STAU2: variants seen among roughly 807,000 people sequenced by gnomAD.
The protein encoded by STAU2 is staufen double-stranded RNA binding protein 2, also known as double-stranded RNA-binding protein Staufen homolog 2.
A neutral mutation model predicts 65.9 loss-of-function variants in STAU2; 20 were observed. The ratio of observed to expected loss-of-function variants is 0.30; its 90% CI spans 0.21 to 0.44. The LOEUF (loss-of-function observed/expected upper bound fraction) is 0.44, where lower values mean the gene tolerates loss of function less well. Among genes scored for constraint, STAU2 ranks in the 20% least tolerant of loss-of-function variants. The pLI is 1.00. For missense variants in STAU2, 558 were observed against 683.9 expected, an observed-to-expected ratio of 0.82 and a Z score of 2.05; for synonymous variants, 232 against 233.9, an observed-to-expected ratio of 0.99 and a Z score of 0.07.
At chr8:73,610,670 T>C (rs923176977) in intron 9 of STAU2, among the ~76,000 whole-genome samples, 11 of 152,126 alleles carry the variant, frequency 7.2e-5, no homozygotes, top group African/African-American at 2.4e-4. Flanking sequence ...TCATTCTATA[T>C]ACCAATAAGG....
chr8:73,557,317 C>G (rs528808625), intron 12 of STAU2, among the ~76,000 whole-genome samples: 1 of 152,100 alleles, frequency 6.6e-6, no homozygotes, highest in Non-Finnish European at 1.5e-5. Flanking sequence ...ATAGAAATAG[C>G]ATAAAAACAT....
In STAU2 at chr8:73,543,749, G is replaced by A. The variant is rs576785256; in HGVS notation, c.1530+8263C>T. Among the ~76,000 whole-genome samples, 11 of 152,240 alleles carry A rather than the reference G, an allele frequency of 7.2e-5. No homozygotes were observed. In the South Asian group the frequency reaches 2.3e-3, roughly 32 times the overall value. ...CATGGCAGGTGCTCAATACACACTG[G>A]TTGAATTCATGAATAAATGAATCCC... is the stretch of plus-strand genomic sequence containing the variant. On this transcript the variant is annotated intron_variant, in intron 13 of 14. Coordinates refer to ENST00000524300, the MANE Select transcript of STAU2 (RefSeq NM_001164380.2).
At chr8:73,668,967 C>G in intron 6 of STAU2, 1 of 673,370 alleles carries the variant, frequency 1.5e-6, no homozygotes, top group South Asian at 1.6e-5. Flanking sequence ...TTCAAAAATC[C>G]CTCTAAATGA....
chr8:73,458,294 TG>T (rs911223116), intron 13 of STAU2, among the ~76,000 whole-genome samples: 3 of 152,248 alleles, frequency 2.0e-5, no homozygotes, highest in Non-Finnish European at 2.9e-5. Context: ...TTGAATCTCA[TG>T]GTTTCCACTT....
At chr8:73,511,942 G>C (rs1334063904) in intron 13 of STAU2, among the ~76,000 whole-genome samples, 1 of 152,132 alleles carries the variant, frequency 6.6e-6, no homozygotes, top group Non-Finnish European at 1.5e-5. Context: ...TATGGTATGA[G>C]GTAAGGCTCC....
chr8:73,587,370 G>A (rs1810452466), intron 11 of STAU2, among the ~76,000 whole-genome samples: 4 of 152,152 alleles, frequency 2.6e-5, no homozygotes, highest in Admixed American at 2.0e-4. Context: ...CCAAGAACAA[G>A]GGAAACTGTC....
chr8:73,623,318 C>T (rs576097491), intron 6 of STAU2, among the ~76,000 whole-genome samples: 1 of 152,288 alleles, frequency 6.6e-6, no homozygotes, highest in South Asian at 2.1e-4. Context: ...TCTCCAACAT[C>T]TCCACTTTCC....
At chr8:73,607,176 G>T (rs747570216) in intron 9 of STAU2, among the ~76,000 whole-genome samples, 16 of 152,136 alleles carry the variant, frequency 1.1e-4, no homozygotes, top group Admixed American at 2.0e-4. Context: ...TTGTTTAAAG[G>T]AACTAAACAA....
chr8:73,747,217 G>C, upstream of STAU2: 1 of 731,756 alleles, frequency 1.4e-6, no homozygotes, highest in East Asian at 3.3e-5. Context: ...CAAGGAGCGC[G>C]CCCGGTCCGC....
intron 8 of STAU2, among the ~76,000 whole-genome samples, chr8:73,614,666 T>C (rs959227655): frequency 3.3e-5 from 5 of 152,172 alleles, no homozygotes; most frequent in Non-Finnish European, 7.3e-5. Flanking sequence ...ATTATAAACA[T>C]CAGATATCCT....
rs538135677 is a variant in STAU2 at position 73,699,026 on chromosome 8, A to G, written c.114+10006T>C. ...CACAATGGAATAAAACTACAAATCA[A>G]TAACAAGAGGAATTTTGGAAACTAC... On this transcript the variant is annotated intron_variant, in intron 4 of 14. Coordinates refer to ENST00000524300, the MANE Select transcript of STAU2 (RefSeq NM_001164380.2). Among the ~76,000 whole-genome samples, 12 of 152,250 alleles carry G rather than the reference A, an allele frequency of 7.9e-5. No homozygotes were observed. In the South Asian group the frequency reaches 2.5e-3, roughly 32 times the overall value.
intron 3 of STAU2, among the ~76,000 whole-genome samples, chr8:73,731,948 T>TA (rs943409616): frequency 4.6e-5 from 7 of 152,084 alleles, no homozygotes; most frequent in South Asian, 2.1e-4. Flanking sequence ...CAAAAAAAGC[T>TA]AAAAAAAATT....
At chr8:73,618,906 G>A (rs1813030754) in intron 6 of STAU2, among the ~76,000 whole-genome samples, 1 of 152,172 alleles carries the variant, frequency 6.6e-6, no homozygotes, top group Non-Finnish European at 1.5e-5. Flanking sequence ...CTAAACAACT[G>A]GAAAATGGAG....
chr8:73,433,739 G>A (rs1817490352), intron 13 of STAU2, among the ~76,000 whole-genome samples: 1 of 151,920 alleles, frequency 6.6e-6, no homozygotes, highest in East Asian at 1.9e-4. Flanking sequence ...GGGCTCTCAA[G>A]CGATCCATCT....
intron 10 of STAU2, among the ~76,000 whole-genome samples, chr8:73,598,096 A>G (rs1466166791): frequency 6.6e-6 from 1 of 152,256 alleles, no homozygotes; most frequent in African/African-American, 2.4e-5. Context: ...CAATATAGAA[A>G]AAGAAAAAGA....
chr8:73,729,412 G>A (rs1805887858), intron 3 of STAU2, among the ~76,000 whole-genome samples: 1 of 152,046 alleles, frequency 6.6e-6, no homozygotes, highest in Non-Finnish European at 1.5e-5. Context: ...TAATAATACT[G>A]GCCTCAAAGA....
chr8:73,549,430 C>T (rs1378765285), intron 13 of STAU2, among the ~76,000 whole-genome samples: 12 of 152,100 alleles, frequency 7.9e-5, no homozygotes, highest in Admixed American at 7.9e-4. Flanking sequence ...ATTCTGCTCT[C>T]TTAAGTCAGT....
At chr8:73,667,798 A>G (rs1270804068) in intron 6 of STAU2, among the ~76,000 whole-genome samples, 1 of 152,224 alleles carries the variant, frequency 6.6e-6, no homozygotes, top group African/African-American at 2.4e-5. Context: ...AAAGTCCTTC[A>G]TTTGCTATTA....
chr8:73,679,184 T>C (rs1410222451), intron 5 of STAU2, among the ~76,000 whole-genome samples: 1 of 152,204 alleles, frequency 6.6e-6, no homozygotes, highest in Non-Finnish European at 1.5e-5. Flanking sequence ...TATCAATTAA[T>C]ACACTATGTC....
Sources: gnomAD v4.1 joint callset for allele counts (sites outside exome capture counted in the v4.1 genomes callset) on GRCh38, gnomAD v4.1.1 for gene constraint, MANE v1.5 for transcripts, NCBI Gene and HGNC (gene_info 2026-07-23, HGNC 2026-07-21) for gene names.